Variants in USO1 observed in about 807,000 individuals in gnomAD.
The protein encoded by USO1 is USO1 vesicle transport factor.
Under a neutral mutation model 124.5 loss-of-function variants are expected in USO1, and 57 were observed. The observed-to-expected ratio is 0.46, with a 90% CI of 0.37 to 0.57. The LOEUF is 0.57. Ranked by LOEUF, USO1 falls within the 20% of genes least tolerant of loss-of-function variation. The probability of loss-of-function intolerance (pLI) is 0.00; values close to 1 mark genes in which losing one functional copy is unlikely to be tolerated. For synonymous variants in USO1, 369 were observed against 362.8 expected, an observed-to-expected ratio of 1.02 and a Z score of -0.19; for missense variants, 900 against 1,040.6, an observed-to-expected ratio of 0.86 and a Z score of 1.86.
Position 75,804,260 on chromosome 4 carries a change from A to G in USO1, c.2113A>G (p.Lys705Glu). The G allele has an allele frequency of 6.2e-7, 1 of 1,610,718 alleles. No homozygotes were observed. Among genetic ancestry groups the G allele is most frequent in the Non-Finnish European group, 8.5e-7 (1 of 1,178,356 alleles). Residue 705 changes from lysine to glutamate, a missense_variant, in exon 18 of 24, where the codon AAA (lysine) becomes GAA (glutamate). Physicochemically the swap from Lys to Glu is moderately conservative, Grantham distance 56. Coordinates refer to ENST00000514213, the MANE Select transcript of USO1 (RefSeq NM_003715.4). ...QQHKDQYNLL[K>E]IQLGKDNQHQ... ...GCACAAAGACCAGTATAATCTTCTT[A>G]AAATACAGCTAGGTAAGCATAGCTA... is the stretch of plus-strand genomic sequence containing the variant.
chr4:75,797,559 GC>G (rs143239591), intron 13 of USO1, among the ~76,000 whole-genome samples: 22 of 33,218 alleles, frequency 6.6e-4, no homozygotes, highest in Admixed American at 5.0e-3. Flanking sequence ...TGTTCCAGAA[GC>G]AAAAAAAAAA....
intron 1 of USO1, among the ~76,000 whole-genome samples, chr4:75,743,231 C>T (rs954823298): frequency 6.6e-6 from 1 of 152,036 alleles, no homozygotes; most frequent in Non-Finnish European, 1.5e-5. Flanking sequence ...GTGATCCACC[C>T]GTGTCGGCCT....
intron 4 of USO1, among the ~76,000 whole-genome samples, chr4:75,763,468 C>T (rs1463326103): frequency 2.6e-5 from 4 of 152,078 alleles, no homozygotes; most frequent in East Asian, 1.9e-4. Context: ...GTTCTGGGCA[C>T]ATTTAAAGTA....
intron 4 of USO1, among the ~76,000 whole-genome samples, chr4:75,761,302 CTTGGGAGACTAA>C (rs1349823331): frequency 2.0e-5 from 3 of 152,124 alleles, no homozygotes; most frequent in African/African-American, 7.2e-5. Context: ...GTGCCAACTA[CTTGGGAGACTAA>C]AGTGGGAAAA....
At chr4:75,737,241 C>T (rs984894315) in intron 1 of USO1, among the ~76,000 whole-genome samples, 5 of 152,050 alleles carry the variant, frequency 3.3e-5, no homozygotes, top group Admixed American at 6.6e-5. Flanking sequence ...AGTAATATTG[C>T]CTATCTTACT....
intron 8 of USO1, among the ~76,000 whole-genome samples, chr4:75,776,745 G>A (rs991117169): frequency 3.3e-5 from 5 of 152,112 alleles, no homozygotes; most frequent in African/African-American, 1.2e-4. Flanking sequence ...CTACCTAAGA[G>A]GCAGATAGAG....
intron 1 of USO1, among the ~76,000 whole-genome samples, chr4:75,739,434 G>A (rs532542291): frequency 6.6e-6 from 1 of 152,150 alleles, no homozygotes; most frequent in South Asian, 2.1e-4. Context: ...TGAGGTCAAA[G>A]AAGGTGATGC....
At chr4:75,729,967 A>G (rs1720582270) in intron 1 of USO1, 1 of 398,512 alleles carries the variant, frequency 2.5e-6, no homozygotes, top group Admixed American at 3.4e-5. Context: ...ATACCATGTT[A>G]CTATAAATGT....
intron 7 of USO1, among the ~76,000 whole-genome samples, chr4:75,773,502 A>G (rs324710): frequency 0.2 from 29,969 of 152,150 alleles, 3,141 homozygotes; most frequent in African/African-American, 0.24. Flanking sequence ...AGTTGGCACA[A>G]CTAGTCAGTA....
intron 1 of USO1, chr4:75,729,882 T>G (rs1720579384): frequency 5.5e-6 from 2 of 365,960 alleles, no homozygotes; most frequent in Non-Finnish European, 1.1e-5. Context: ...AGCCATATTT[T>G]CTTTTAATAA....
chr4:75,794,006 T>G, intron 13 of USO1, 105 bp downstream of exon 13: 1 of 1,463,502 alleles, frequency 6.8e-7, no homozygotes, highest in South Asian at 1.4e-5. Context: ...AGAGAAGACT[T>G]ATTCTGTTTA....
rs763315281 is a variant in USO1 at position 75,800,739 on chromosome 4, C to T, written c.1804C>T (p.Pro602Ser). 1.7e-5 allele frequency: 28 copies of T among 1,612,880 alleles called. No homozygotes were observed. The highest frequency in any genetic ancestry group is 2.3e-5 in the Non-Finnish European group (27 of 1,179,620). The change falls in exon 16 of 24, where the codon CCC becomes TCC. Residue 602 changes from proline (P) to serine (S), a missense_variant. Transcript: ENST00000514213. ...ATCTCAGAAACCCCAGCCAAACTTT[C>T]CCAGTCCAGAATACATGATATTTGA... ...RASQKPQPNF[P>S]SPEYMIFDHE...
intron 1 of USO1, among the ~76,000 whole-genome samples, chr4:75,733,210 G>T (rs1298195993): frequency 6.6e-6 from 1 of 151,852 alleles, no homozygotes; most frequent in Admixed American, 6.6e-5. Flanking sequence ...AGTGAGCCGA[G>T]ATCACGCCAC....
Position 75,800,641 on chromosome 4 carries a change from A to G in USO1, c.1706A>G (p.Glu569Gly), listed in dbSNP as rs972172841. 1.3e-6 allele frequency: 2 copies of G among 1,572,604 alleles called. No homozygotes were observed. The highest frequency in any genetic ancestry group is 2.8e-5 in the African/African-American group (2 of 72,662). ...AGAGAGAAGCTAAAACAACTGATTG[A>G]GAAGAGGATTGGCAAAGAGAATTTC... ...YMKEKLKQLI[E>G]KRIGKENFIE... The change falls in exon 16 of 24, where the codon GAG becomes GGG. Residue 569 changes from glutamate to glycine, a missense_variant. This residue lies in a region of USO1 where 538 missense variants were observed against 681.6 expected (regional missense o/e 0.79). Coordinates refer to ENST00000514213, the MANE Select transcript of USO1 (RefSeq NM_003715.4).
intron 1 of USO1, among the ~76,000 whole-genome samples, chr4:75,733,960 T>C (rs78102670): frequency 4.9e-5 from 5 of 101,778 alleles, no homozygotes; most frequent in African/African-American, 6.6e-5. Context: ...TTTTTTTTTT[T>C]TGAGTAGGAG....
intron 1 of USO1, among the ~76,000 whole-genome samples, chr4:75,738,490 T>G (rs990582921): frequency 3.3e-5 from 5 of 152,076 alleles, no homozygotes; most frequent in Non-Finnish European, 7.4e-5. Context: ...TTTGTTTGTT[T>G]GTTTTGAGAC....
intron 17 of USO1, among the ~76,000 whole-genome samples, chr4:75,801,937 A>T (rs1430242168): frequency 6.6e-6 from 1 of 152,186 alleles, no homozygotes; most frequent in East Asian, 1.9e-4. Context: ...CTCTTGCCTC[A>T]GCCTCGCAAG....
At chr4:75,758,246 A>G (rs1021533136) in intron 4 of USO1, among the ~76,000 whole-genome samples, 3 of 152,220 alleles carry the variant, frequency 2.0e-5, no homozygotes, top group Non-Finnish European at 2.9e-5. Context: ...ATTCGCAGTA[A>G]CATTTCACAA....
At chr4:75,755,751 T>A (rs1198620174) in intron 3 of USO1, among the ~76,000 whole-genome samples, 1 of 152,174 alleles carries the variant, frequency 6.6e-6, no homozygotes, top group Non-Finnish European at 1.5e-5. Context: ...CTCCCAAAGA[T>A]ATCTATATCC....
Sources: allele counts gnomAD v4.1 joint callset (sites outside exome capture counted in the v4.1 genomes callset), GRCh38; gene constraint gnomAD v4.1.1; regional missense constraint gnomAD v4.1.1; transcripts MANE v1.5; gene names NCBI Gene and HGNC (gene_info 2026-07-23, HGNC 2026-07-21).